METTL4: variants seen among roughly 807,000 people sequenced by gnomAD.
METTL4 encodes the protein N(6)-adenine-specific methyltransferase METTL4.
In METTL4, 40 loss-of-function variants were observed where a neutral mutation model predicts 54.0. The ratio of observed to expected loss-of-function variants is 0.74; its 90% confidence interval spans 0.58 to 0.96. The LOEUF is 0.96. Ranked by LOEUF, METTL4 falls within the 50% of genes least tolerant of loss-of-function variation. METTL4 has a pLI of 0.00. For synonymous variants in METTL4, 169 were observed against 183.8 expected (o/e 0.92, Z 0.65); for missense variants, 525 against 549.0 (o/e 0.96, Z 0.44).
chr18:2,565,614 C>T (rs1282763852), intron 2 of METTL4, among the ~76,000 whole-genome samples: 1 of 152,076 alleles, frequency 6.6e-6, no homozygotes, highest in African/African-American at 2.4e-5. Context: ...TATTCTAATT[C>T]TCAACAAACT....
At chr18:2,542,838 C>T (rs2143473503) in intron 8 of METTL4, among the ~76,000 whole-genome samples, 1 of 152,120 alleles carries the variant, frequency 6.6e-6, no homozygotes, top group East Asian at 1.9e-4. Context: ...TATAAACACC[C>T]TTCTAGAGGC....
intron 8 of METTL4, among the ~76,000 whole-genome samples, chr18:2,542,280 T>G (rs1041122128): frequency 2.0e-5 from 3 of 151,846 alleles, no homozygotes; most frequent in African/African-American, 7.2e-5. Flanking sequence ...TATGTATACA[T>G]GTGCCATGCT....
Position 2,537,578 on chromosome 18 carries a change from A to G in METTL4, c.*1422T>C. ...TAATACCTTTTTCCTTTTAAATAAC[A>G]AGTTAGAATAGCTCCATAAATACAA... On this transcript the variant is annotated 3_prime_UTR_variant, in exon 9 of 9. Transcript: ENST00000574538. 1 of 273,706 alleles carries G rather than the reference A, an allele frequency of 3.7e-6. No homozygotes were observed. The highest frequency in any genetic ancestry group is 6.7e-6 in the Non-Finnish European group (1 of 148,278). The allele number at this position is 273,706 out of a possible 1,614,324, so 17.0% of individuals were successfully genotyped here.
At chr18:2,551,922 C>T (rs890736865) in intron 5 of METTL4, among the ~76,000 whole-genome samples, 5 of 151,972 alleles carry the variant, frequency 3.3e-5, no homozygotes, top group Admixed American at 1.3e-4. Flanking sequence ...AGGCCAGGCA[C>T]GGTGGCTCAC....
intron 6 of METTL4, among the ~76,000 whole-genome samples, chr18:2,545,751 C>T (rs1485012148): frequency 2.6e-5 from 4 of 152,046 alleles, no homozygotes; most frequent in Non-Finnish European, 1.5e-5. Context: ...GCATATCCTA[C>T]AAAAAGTGCT....
intron 1 of METTL4, chr18:2,568,712 A>C (rs964154945): frequency 6.6e-6 from 1 of 151,230 alleles, no homozygotes; most frequent in African/African-American, 2.4e-5. Flanking sequence ...AGACTGCACT[A>C]CTGCACTCCA....
chr18:2,563,555 A>G (rs1391113469), intron 3 of METTL4, among the ~76,000 whole-genome samples: 1 of 137,246 alleles, frequency 7.3e-6, no homozygotes, highest in Non-Finnish European at 1.5e-5. Context: ...AGATCACACC[A>G]CTACCACTCC....
chr18:2,563,119 C>A (rs2072346795), intron 3 of METTL4, among the ~76,000 whole-genome samples: 3 of 152,150 alleles, frequency 2.0e-5, no homozygotes, highest in Admixed American at 2.0e-4. Context: ...TCATTTATCG[C>A]TATGTTCTAG....
chr18:2,544,941 T>C (rs1421989268), intron 6 of METTL4, among the ~76,000 whole-genome samples, 182 bp from the exon 7 acceptor site: 3 of 152,048 alleles, frequency 2.0e-5, no homozygotes, highest in Non-Finnish European at 4.4e-5. Flanking sequence ...AAAAATGCAA[T>C]GAAATCAATT....
chr18:2,563,709 G>T, intron 3 of METTL4, 88 bp downstream of exon 3: 34 of 786,184 alleles, frequency 4.3e-5, no homozygotes, highest in East Asian at 1.2e-4. Flanking sequence ...GCTTGATTTT[G>T]AAAAAAAATC....
chr18:2,566,453 T>A (rs895367045), intron 2 of METTL4, among the ~76,000 whole-genome samples: 27 of 152,284 alleles, frequency 1.8e-4, no homozygotes, highest in Admixed American at 2.0e-4. Flanking sequence ...ACTTTTTTTT[T>A]AAAGCAAAAA....
intron 8 of METTL4, chr18:2,540,669 T>A (rs1042897147): frequency 1.0e-5 from 10 of 985,272 alleles, no homozygotes; most frequent in Non-Finnish European, 1.2e-5. Context: ...CTACTAACCT[T>A]GAAAGAGAAA....
chr18:2,562,557 T>A (rs748719766), intron 3 of METTL4, among the ~76,000 whole-genome samples: 1 of 152,134 alleles, frequency 6.6e-6, no homozygotes, highest in South Asian at 2.1e-4. Flanking sequence ...ATAAACAAAA[T>A]GTAGTATATA....
At chr18:2,541,035 C>G (rs1202082547) in intron 8 of METTL4, among the ~76,000 whole-genome samples, 1 of 152,150 alleles carries the variant, frequency 6.6e-6, no homozygotes, top group Non-Finnish European at 1.5e-5. Flanking sequence ...TGGAAAAATA[C>G]ATACAACCTA....
chr18:2,541,310 GGAGT>G (rs747268730), intron 8 of METTL4, among the ~76,000 whole-genome samples: 10 of 152,260 alleles, frequency 6.6e-5, no homozygotes, highest in African/African-American at 2.2e-4. Flanking sequence ...CATAACATCT[GGAGT>G]TAGTAAAACA....
At chr18:2,558,906 A>C (rs904406378) in intron 3 of METTL4, among the ~76,000 whole-genome samples, 1 of 152,198 alleles carries the variant, frequency 6.6e-6, no homozygotes, top group African/African-American at 2.4e-5. Flanking sequence ...GGTAAATACA[A>C]ATCAAAACCA....
At chr18:2,542,341 T>A (rs1222598572) in intron 8 of METTL4, among the ~76,000 whole-genome samples, 1 of 148,750 alleles carries the variant, frequency 6.7e-6, no homozygotes, top group Non-Finnish European at 1.5e-5. Flanking sequence ...TATCTCCCAA[T>A]GCTATCCCTC....
chr18:2,555,918 G>A (rs1246382946), intron 3 of METTL4, among the ~76,000 whole-genome samples: 1 of 151,864 alleles, frequency 6.6e-6, no homozygotes, highest in African/African-American at 2.4e-5. Flanking sequence ...CAAAAACAAA[G>A]GACCACTCCA....
intron 5 of METTL4, among the ~76,000 whole-genome samples, chr18:2,549,509 G>A (rs1210073876): frequency 6.6e-6 from 1 of 152,036 alleles, no homozygotes; most frequent in African/African-American, 2.4e-5. Context: ...CTAAGGACTT[G>A]TATGCAAATC....
Sources: gnomAD v4.1 joint callset for allele counts (sites outside exome capture counted in the v4.1 genomes callset) on GRCh38, gnomAD v4.1.1 for gene constraint, MANE v1.5 for transcripts, NCBI Gene and HGNC (gene_info 2026-07-23, HGNC 2026-07-21) for gene names.